The following DNM1L variants were observed in gnomAD, a reference collection of about 807,000 sequenced individuals.
DNM1L encodes the protein dynamin 1L.
Under a neutral mutation model 92.8 loss-of-function variants are expected in DNM1L, and 33 were observed. The observed-to-expected ratio is 0.36, with a 90% CI of 0.27 to 0.48. DNM1L has a LOEUF of 0.48. DNM1L is among the 20% of genes least tolerant of loss of function. The probability of loss-of-function intolerance (pLI) is 0.99; values close to 1 mark genes in which losing one functional copy is unlikely to be tolerated. For missense variants in DNM1L, 485 were observed against 888.8 expected, an observed-to-expected ratio of 0.55 and a Z score of 5.78; for synonymous variants, 284 against 305.0, an observed-to-expected ratio of 0.93 and a Z score of 0.72.
intron 4 of DNM1L, chr12:32,709,580 A>G (rs1354477990): frequency 6.6e-6 from 1 of 152,222 alleles, no homozygotes; most frequent in Non-Finnish European, 1.5e-5. Flanking sequence ...CCCCAAATCT[A>G]TGAAACATCT....
intron 2 of DNM1L, chr12:32,706,147 T>G (rs1001753220): frequency 3.3e-6 from 1 of 298,882 alleles, no homozygotes; most frequent in Admixed American, 5.0e-5. Context: ...CTCTTTGGTA[T>G]GTAGTACTTG....
intron 1 of DNM1L, chr12:32,679,933 C>T: frequency 1.0e-6 from 1 of 985,892 alleles, no homozygotes. Context: ...TTGCCTTGCC[C>T]AGGGACTGCG....
At chr12:32,704,691 C>A (rs1018809140) in intron 2 of DNM1L, among the ~76,000 whole-genome samples, 1 of 152,054 alleles carries the variant, frequency 6.6e-6, no homozygotes, top group South Asian at 2.1e-4. Context: ...AGTAAAATTA[C>A]ACATTAGAAT....
At chr12:32,741,041 T>C (rs1474359202) in intron 18 of DNM1L, among the ~76,000 whole-genome samples, 2 of 152,230 alleles carry the variant, frequency 1.3e-5, no homozygotes, top group African/African-American at 4.8e-5. Flanking sequence ...AGTGATCTAT[T>C]AGAAAATATT....
At chr12:32,724,616 AT>A (rs1592641692) in intron 9 of DNM1L, among the ~76,000 whole-genome samples, 30 of 139,096 alleles carry the variant, frequency 2.2e-4, no homozygotes, top group African/African-American at 6.9e-4. Flanking sequence ...ATATATATAT[AT>A]ATAAATTATA....
intron 14 of DNM1L, 167 bp from the exon 15 acceptor site, chr12:32,737,698 A>G: frequency 1.6e-6 from 1 of 625,330 alleles, no homozygotes; most frequent in Non-Finnish European, 2.9e-6. Context: ...AACAAAGGTG[A>G]CAATGGTGAA....
chr12:32,717,132 C>T (rs1953426215), intron 6 of DNM1L, among the ~76,000 whole-genome samples: 2 of 111,470 alleles, frequency 1.8e-5, no homozygotes, highest in African/African-American at 3.5e-5. Context: ...ATATATATAC[C>T]TATGTATATA....
rs1013546211 is a variant in DNM1L at position 32,718,789 on chromosome 12, T to C, written c.740+26T>C. 8.1e-6 allele frequency: 13 copies of C among 1,612,258 alleles called. No individual in the cohort carries two copies. The African/African-American group carries it at 1.1e-4, about 13-fold the overall frequency. ...GTTAGCAGTTAGAATGGGATAAGAATTGGGATAAGCATTCTTAGAATGGGA... is the reference window on the plus strand; with the variant it reads ...GTTAGCAGTTAGAATGGGATAAGAACTGGGATAAGCATTCTTAGAATGGGA... On this transcript the variant is annotated intron_variant, in intron 7 of 19. Transcript: ENST00000549701.
At chr12:32,717,189 CTATA>C (rs1239863980) in intron 6 of DNM1L, among the ~76,000 whole-genome samples, 4 of 109,496 alleles carry the variant, frequency 3.7e-5, no homozygotes, top group East Asian at 4.9e-4. Context: ...ATAGTATATA[CTATA>C]TATATTTATA....
At chr12:32,708,682 AT>A (rs997739517) in intron 4 of DNM1L, among the ~76,000 whole-genome samples, 13 of 151,152 alleles carry the variant, frequency 8.6e-5, no homozygotes, top group African/African-American at 1.7e-4. Context: ...CAAATTGGGA[AT>A]TTTTTTTTCT....
In DNM1L at chr12:32,710,966, C is replaced by T. The variant is rs1404971575; in HGVS notation, c.407C>T (p.Ser136Leu). The T allele has an allele frequency of 1.2e-6, 2 of 1,613,814 alleles. No individual in the cohort carries two copies. The highest frequency in any genetic ancestry group is 1.7e-6 in the Non-Finnish European group (2 of 1,179,888). The part of the protein sequence containing the change: ...SPEPIHLKIF[S>L]PNVVNLTLVD... ...GAACCAATTCATCTTAAGATTTTTTCACCCAACGTTGTCAATTTGACACTT... is the reference window on the plus strand; with the variant it reads ...GAACCAATTCATCTTAAGATTTTTTTACCCAACGTTGTCAATTTGACACTT... The change falls in exon 5 of 20, where the codon TCA becomes TTA. Residue 136 changes from serine to leucine, a missense_variant. Physicochemically the swap from Ser to Leu is moderately radical, Grantham distance 145. Coordinates refer to ENST00000549701, the MANE Select transcript of DNM1L (RefSeq NM_012062.5).
At chr12:32,690,413 G>A (rs1349445782) in intron 1 of DNM1L, among the ~76,000 whole-genome samples, 1 of 152,104 alleles carries the variant, frequency 6.6e-6, no homozygotes, top group Non-Finnish European at 1.5e-5. Flanking sequence ...GCTTTAGGTG[G>A]GTCAGTTAAT....
Position 32,720,763 on chromosome 12 carries a change from T to C in DNM1L, c.840T>C (p.Asn280=). Residue 280 remains asparagine, a synonymous_variant, in exon 8 of 20, where the codon AAT becomes AAC. Transcript: ENST00000549701. ...AATATCCATCTCTGGCCAATAGAAA[T>C]GGAACAAAGTATCTTGCTAGGACTC... is the stretch of plus-strand genomic sequence containing the variant. The part of the protein sequence containing the change: ...QKKYPSLANR[N]GTKYLARTLN... 1.2e-6 allele frequency: 2 copies of C among 1,613,740 alleles called. No individual in the cohort carries two copies. Among genetic ancestry groups the C allele is most frequent in the Non-Finnish European group, 1.7e-6 (2 of 1,179,876 alleles).
intron 8 of DNM1L, among the ~76,000 whole-genome samples, chr12:32,721,213 T>C (rs2137437907): frequency 1.3e-5 from 2 of 152,350 alleles, no homozygotes; most frequent in Middle Eastern, 6.8e-3. Flanking sequence ...TTATTTCTAT[T>C]CACTGTAGAA....
chr12:32,721,796 AG>A (rs1953823669), intron 8 of DNM1L, among the ~76,000 whole-genome samples: 2 of 152,328 alleles, frequency 1.3e-5, no homozygotes, highest in African/African-American at 4.8e-5. Flanking sequence ...TCTGACTGAC[AG>A]GCTATAAGTC....
intron 18 of DNM1L, among the ~76,000 whole-genome samples, chr12:32,741,148 T>C (rs181880493): frequency 1.3e-3 from 195 of 152,368 alleles, no homozygotes; most frequent in Admixed American, 2.0e-3. Context: ...TAAATGATTT[T>C]TGTCTGTAGA....
chr12:32,680,080 A>G, intron 1 of DNM1L: 1 of 888,996 alleles, frequency 1.1e-6, no homozygotes, highest in East Asian at 1.2e-4. Context: ...CAAAACGTGT[A>G]TCTAGAGTTC....
chr12:32,741,819 A>G (rs1176364815), intron 18 of DNM1L, among the ~76,000 whole-genome samples: 1 of 152,202 alleles, frequency 6.6e-6, no homozygotes, highest in African/African-American at 2.4e-5. Flanking sequence ...AGGCTATCCC[A>G]TATAGCTTAG....
chr12:32,745,248 G>A lies in DNM1L; in HGVS notation c.*1838G>A. The A allele has an allele frequency of 4.0e-6, 1 of 250,632 alleles. No homozygotes were observed. The highest frequency in any genetic ancestry group is 7.8e-6 in the Non-Finnish European group (1 of 127,488). The allele number at this position is 250,632 out of a possible 1,614,324, so 15.5% of individuals were successfully genotyped here. A position where few individuals can be genotyped will look rare whatever the true frequency, so the allele number is the denominator to read the frequency against. The stretch of plus-strand genomic sequence containing the variant: ...CATTCATGATTTACTTTTTCCAGAT[G>A]ACTATCATTATTCTAGTCCTTTGAA... On this transcript the variant is annotated 3_prime_UTR_variant, in exon 20 of 20. Coordinates refer to ENST00000549701, the MANE Select transcript of DNM1L (RefSeq NM_012062.5).
Sources: allele counts gnomAD v4.1 joint callset (sites outside exome capture counted in the v4.1 genomes callset), GRCh38; gene constraint gnomAD v4.1.1; transcripts MANE v1.5; gene names NCBI Gene and HGNC (gene_info 2026-07-23, HGNC 2026-07-21).